The following HELLS variants were observed in gnomAD, a reference collection of about 807,000 sequenced individuals.
HELLS encodes lymphoid-specific helicase.
Under a neutral mutation model 120.0 loss-of-function variants are expected in HELLS, and 32 were observed. The ratio of observed to expected loss-of-function variants is 0.27; its 90% CI spans 0.20 to 0.36. The LOEUF (loss-of-function observed/expected upper bound fraction) is 0.36. Ranked by LOEUF, HELLS falls within the 10% of genes least tolerant of loss-of-function variation. HELLS has a pLI of 1.00. For missense variants in HELLS, 650 were observed against 993.4 expected (o/e 0.65, Z 4.65); for synonymous variants, 341 against 323.4 (o/e 1.05, Z -0.58).
intron 4 of HELLS, among the ~76,000 whole-genome samples, chr10:94,560,896 A>C (rs776905314): frequency 6.6e-6 from 1 of 151,894 alleles, no homozygotes; most frequent in African/African-American, 2.4e-5. Context: ...TCTCTACTAA[A>C]AATACAAAAA....
intron 2 of HELLS, among the ~76,000 whole-genome samples, chr10:94,552,367 A>G (rs1214309159): frequency 6.6e-6 from 1 of 152,180 alleles, no homozygotes; most frequent in Non-Finnish European, 1.5e-5. Context: ...TAAAGCAGGA[A>G]CTTCTACAGT....
At chr10:94,573,829 G>C (rs538202270) in intron 7 of HELLS, 131 bp from the exon 8 acceptor site, 2 of 568,528 alleles carry the variant, frequency 3.5e-6, no homozygotes, top group Admixed American at 6.7e-5. Flanking sequence ...TTTTAATCCA[G>C]GTGTGATCTT....
At chr10:94,593,877 C>G (rs1845615623) in intron 18 of HELLS, among the ~76,000 whole-genome samples, 1 of 151,622 alleles carries the variant, frequency 6.6e-6, no homozygotes, top group Non-Finnish European at 1.5e-5. Flanking sequence ...TGGCCAGGCT[C>G]TCTTGAATCC....
At chr10:94,574,774 C>T in intron 9 of HELLS, 38 bp downstream of exon 9, 1 of 1,488,822 alleles carries the variant, frequency 6.7e-7, no homozygotes. Context: ...TATAATTTTA[C>T]ATGTTTTCTT....
At chr10:94,598,799 A>C (rs1185803089) in intron 21 of HELLS, among the ~76,000 whole-genome samples, 1 of 151,936 alleles carries the variant, frequency 6.6e-6, no homozygotes, top group Non-Finnish European at 1.5e-5. Context: ...TGCCTAATTC[A>C]AGGTGTTGAT....
chr10:94,598,269 C>T (rs958815590), intron 21 of HELLS, among the ~76,000 whole-genome samples: 2 of 152,106 alleles, frequency 1.3e-5, no homozygotes, highest in African/African-American at 2.4e-5. Flanking sequence ...ATTCATATCA[C>T]GGATACAGGC....
rs554797435 is a variant in HELLS, at chr10:94,589,773, G to C, written c.1489-640G>C. ...ATGATCTTGGCTTACTGCAAGCTCCGCCTCCCGGGTTCATGCCATTCTCCT... is the reference window on the plus strand; with the variant it reads ...ATGATCTTGGCTTACTGCAAGCTCCCCCTCCCGGGTTCATGCCATTCTCCT... On this transcript the variant is annotated intron_variant, in intron 13 of 21. Coordinates refer to ENST00000348459, the MANE Select transcript of HELLS (RefSeq NM_018063.5). Among the ~76,000 whole-genome samples, 6 of 138,084 alleles carry C rather than the reference G, an allele frequency of 4.3e-5. No individual in the cohort carries two copies. The East Asian group carries it at 1.4e-3, about 33-fold the overall frequency. The allele number at this position is 138,084 out of a possible 152,430, so 90.6% of individuals were successfully genotyped here.
At chr10:94,552,485 A>G (rs1017240460) in intron 2 of HELLS, among the ~76,000 whole-genome samples, 4 of 152,138 alleles carry the variant, frequency 2.6e-5, no homozygotes, top group South Asian at 2.1e-4. Flanking sequence ...AATTCTTACA[A>G]TTTTTCAGGA....
intron 9 of HELLS, 85 bp from the exon 10 acceptor site, chr10:94,576,577 C>A: frequency 1.5e-6 from 1 of 660,464 alleles, no homozygotes; most frequent in Non-Finnish European, 2.3e-6. Context: ...TATATTTTTT[C>A]CCTCAGAATG....
At chr10:94,602,295 G>T (rs1204988366), downstream of HELLS, among the ~76,000 whole-genome samples, 1 of 152,132 alleles carries the variant, frequency 6.6e-6, no homozygotes, top group Non-Finnish European at 1.5e-5. Context: ...CTTGAGAAAC[G>T]ACTAGAAATT....
At position 94,580,440 on chromosome 10, in the gene HELLS, C is replaced by G. The variant is rs112130043; in HGVS notation, c.1033-886C>G. 4.7e-3 allele frequency among the ~76,000 whole-genome samples: 716 copies of G among 151,978 alleles called. 6 individuals are homozygous for G. Among genetic ancestry groups the G allele is most frequent in the African/African-American group, 0.015 (632 of 41,464 alleles). On this transcript the variant is annotated intron_variant, in intron 10 of 21. Transcript: ENST00000348459. ...CAGGTAATGCGTCTGCCTCGGCCTC[C>G]CAAAGTGCTGGGATTACAGGCCTGA...
At chr10:94,603,025 AG>A (rs1409102983), downstream of HELLS, among the ~76,000 whole-genome samples, 2 of 152,174 alleles carry the variant, frequency 1.3e-5, no homozygotes, top group Non-Finnish European at 2.9e-5. Flanking sequence ...AAATAGACGC[AG>A]TCAGAAAAGA....
intron 7 of HELLS, among the ~76,000 whole-genome samples, chr10:94,571,631 C>T (rs188660322): frequency 6.6e-6 from 1 of 152,186 alleles, no homozygotes; most frequent in Admixed American, 6.5e-5. Context: ...TGTTTTATTG[C>T]ATGATTCTTG....
chr10:94,598,606 G>GTTTTTTTTTTTTTTTTTTT (rs58356300), intron 21 of HELLS, among the ~76,000 whole-genome samples: 1 of 139,130 alleles, frequency 7.2e-6, no homozygotes, highest in Non-Finnish European at 1.6e-5. Flanking sequence ...TTGGTTGGAA[G>GTTTTTTTTTTTTTTTTTTT]TTTTTTTTTT....
At chr10:94,576,608 C>G in intron 9 of HELLS, 54 bp from the exon 10 acceptor site, 1 of 913,012 alleles carries the variant, frequency 1.1e-6, no homozygotes, top group East Asian at 2.7e-5. Context: ...TCTAAATAGT[C>G]AATATTTACA....
chr10:94,586,190 G>A (rs757734064), intron 12 of HELLS, among the ~76,000 whole-genome samples: 30 of 151,646 alleles, frequency 2.0e-4, no homozygotes, highest in African/African-American at 6.0e-4. Flanking sequence ...GTGCAATCTC[G>A]GCTCACTGCA....
chr10:94,589,835 C>G (rs371420011), intron 13 of HELLS, among the ~76,000 whole-genome samples: 1 of 151,698 alleles, frequency 6.6e-6, no homozygotes, highest in South Asian at 2.1e-4. Context: ...TACAGTCGCC[C>G]GCCACCACGC....
At chr10:94,594,902 T>G (rs1845667889) in intron 19 of HELLS, 48 bp downstream of exon 19, 1 of 1,393,590 alleles carries the variant, frequency 7.2e-7, no homozygotes, top group Admixed American at 2.0e-5. Flanking sequence ...GTGCATTGTG[T>G]GTTGTGGATT....
At chr10:94,571,668 A>G (rs1029214177) in intron 7 of HELLS, among the ~76,000 whole-genome samples, 2 of 152,204 alleles carry the variant, frequency 1.3e-5, no homozygotes, top group African/African-American at 4.8e-5. Context: ...TTATGGGTCT[A>G]GCAATGTTGC....
Sources: gnomAD v4.1 joint callset for allele counts (sites outside exome capture counted in the v4.1 genomes callset) on GRCh38, gnomAD v4.1.1 for gene constraint, MANE v1.5 for transcripts, NCBI Gene and HGNC (gene_info 2026-07-23, HGNC 2026-07-21) for gene names.